CDIN1: variants seen among roughly 807,000 people sequenced by gnomAD.
CDIN1 encodes the protein CDAN1-interacting nuclease 1.
A neutral mutation model predicts 45.3 loss-of-function variants in CDIN1; 33 were observed. That is an observed-to-expected ratio of 0.73 (90% CI 0.55 to 0.97). The LOEUF (loss-of-function observed/expected upper bound fraction) is 0.97. Among genes scored for constraint, CDIN1 ranks in the 50% least tolerant of loss-of-function variants. The probability of loss-of-function intolerance (pLI) is 0.00; values close to 1 mark genes in which losing one functional copy is unlikely to be tolerated. For missense variants in CDIN1, 303 were observed against 339.4 expected, an observed-to-expected ratio of 0.89 and a Z score of 0.84; for synonymous variants, 118 against 124.4, an observed-to-expected ratio of 0.95 and a Z score of 0.34.
At chr15:36,704,371 C>T (rs1044778137) in intron 8 of CDIN1, 13 of 152,164 alleles carry the variant, frequency 8.5e-5, no homozygotes, top group South Asian at 4.1e-4. Context: ...TTTCATTTAT[C>T]GGTGCTATTG....
chr15:36,683,258 G>T (rs1468094543), intron 5 of CDIN1, among the ~76,000 whole-genome samples: 1 of 147,888 alleles, frequency 6.8e-6, no homozygotes, highest in African/African-American at 2.5e-5. Flanking sequence ...TTTTGTATAA[G>T]GTGTAAGGAA....
chr15:36,597,989 CTTA>C (rs1050305204), intron 1 of CDIN1, among the ~76,000 whole-genome samples: 6 of 152,070 alleles, frequency 3.9e-5, no homozygotes, highest in Non-Finnish European at 7.4e-5. Flanking sequence ...GGACGTAAAA[CTTA>C]TTATGATTAT....
intron 10 of CDIN1, among the ~76,000 whole-genome samples, chr15:36,770,274 GA>G (rs34776036): frequency 6.6e-6 from 1 of 150,920 alleles, no homozygotes; most frequent in African/African-American, 2.4e-5. Context: ...GCTTGATCAG[GA>G]AAAAAAGGGG....
intron 5 of CDIN1, among the ~76,000 whole-genome samples, chr15:36,668,580 C>G (rs2041334842): frequency 6.6e-6 from 1 of 152,130 alleles, no homozygotes; most frequent in Non-Finnish European, 1.5e-5. Context: ...GTGGGAGAAT[C>G]TGTGTCTTCT....
chr15:36,647,109 A>G (rs2040365174), intron 3 of CDIN1, among the ~76,000 whole-genome samples: 1 of 142,854 alleles, frequency 7.0e-6, no homozygotes, highest in African/African-American at 2.7e-5. Context: ...CTGCAGCCTC[A>G]ACCTCCTGGC....
At chr15:36,800,879 ATGTGTGTGTGTGTGTGTGTGTG>A (rs1163549097) in intron 10 of CDIN1, among the ~76,000 whole-genome samples, 4 of 82,520 alleles carry the variant, frequency 4.8e-5, no homozygotes, top group Admixed American at 1.6e-4. Flanking sequence ...GTGTGTATAT[ATGTGTGTGTGTGTGTGTGTGTG>A]TGTGTGTGTA....
intron 1 of CDIN1, among the ~76,000 whole-genome samples, chr15:36,615,417 T>G (rs2038845929): frequency 6.6e-6 from 1 of 152,200 alleles, no homozygotes; most frequent in Non-Finnish European, 1.5e-5. Context: ...ATAGTGCAAC[T>G]GTTTTGATAC....
In CDIN1 at chr15:36,698,878, T is replaced by A. The variant is rs28418815; in HGVS notation, c.544+1488T>A. On this transcript the variant is annotated intron_variant, in intron 8 of 10. Transcript: ENST00000566621. The stretch of plus-strand genomic sequence containing the variant: ...TGGGAAAAAAAGCAAAGGTTGTAGA[T>A]GTGGGCTAAACTTAGTCCTAGTCCT... Among the ~76,000 whole-genome samples the A allele has an allele frequency of 4.5e-3, 689 of 152,292 alleles. 4 individuals carry two copies. Among genetic ancestry groups the A allele is most frequent in the African/African-American group, 0.016 (653 of 41,568 alleles).
intron 10 of CDIN1, among the ~76,000 whole-genome samples, chr15:36,715,982 T>G (rs1014303787): frequency 6.6e-6 from 1 of 152,200 alleles, no homozygotes; most frequent in Non-Finnish European, 1.5e-5. Flanking sequence ...CATCATTCAT[T>G]GGTTTTAACA....
chr15:36,741,475 T>A (rs2044235673), intron 10 of CDIN1, among the ~76,000 whole-genome samples: 1 of 150,556 alleles, frequency 6.6e-6, no homozygotes, highest in South Asian at 2.1e-4. Flanking sequence ...TTTTTTTTTT[T>A]AGTTTACAAA....
intron 10 of CDIN1, among the ~76,000 whole-genome samples, chr15:36,784,465 T>C (rs1338157582): frequency 6.6e-6 from 1 of 152,210 alleles, no homozygotes; most frequent in Non-Finnish European, 1.5e-5. Context: ...CCACAGATAA[T>C]GCAATTTAGA....
At chr15:36,688,591 T>C (rs2042138700) in intron 5 of CDIN1, among the ~76,000 whole-genome samples, 1 of 152,166 alleles carries the variant, frequency 6.6e-6, no homozygotes, top group South Asian at 2.1e-4. Context: ...TGAATGCCTC[T>C]ACCAAAGGTT....
chr15:36,788,330 G>A (rs1273662047), intron 10 of CDIN1, among the ~76,000 whole-genome samples: 1 of 151,396 alleles, frequency 6.6e-6, no homozygotes, highest in East Asian at 1.9e-4. Flanking sequence ...TGGTCAGGCT[G>A]GTCTTGAACT....
chr15:36,788,102 A>ATTT (rs2054547481), intron 10 of CDIN1, among the ~76,000 whole-genome samples: 1 of 34,248 alleles, frequency 2.9e-5, no homozygotes, highest in African/African-American at 1.1e-4. Flanking sequence ...ATATATATAT[A>ATTT]TATATTTTTT....
chr15:36,609,150 C>T (rs113359101), intron 1 of CDIN1, among the ~76,000 whole-genome samples: 2 of 152,226 alleles, frequency 1.3e-5, no homozygotes, highest in Admixed American at 6.5e-5. Context: ...AGCCTGGGAC[C>T]ACAGGTGTGC....
At chr15:36,788,168 G>A (rs1337442793) in intron 10 of CDIN1, among the ~76,000 whole-genome samples, 2 of 133,526 alleles carry the variant, frequency 1.5e-5, no homozygotes, top group Non-Finnish European at 3.1e-5. Flanking sequence ...CCAGGCTGGA[G>A]TGCAATGGCA....
chr15:36,750,634 G>T (rs192613463), intron 10 of CDIN1, among the ~76,000 whole-genome samples: 16 of 152,270 alleles, frequency 1.1e-4, no homozygotes, highest in African/African-American at 3.1e-4. Flanking sequence ...CTTGAGCTCA[G>T]TCTGTGGGAG....
At chr15:36,792,105 G>A (rs529749250) in intron 10 of CDIN1, among the ~76,000 whole-genome samples, 2 of 152,254 alleles carry the variant, frequency 1.3e-5, no homozygotes, top group African/African-American at 4.8e-5. Context: ...AAGAAAGACC[G>A]TCACAAGCTT....
intron 10 of CDIN1, among the ~76,000 whole-genome samples, chr15:36,775,432 A>G (rs2054194233): frequency 6.6e-6 from 1 of 152,212 alleles, no homozygotes. Flanking sequence ...CAAGGTCTCC[A>G]GGAGGTCAGA....
Sources: allele counts gnomAD v4.1 joint callset (sites outside exome capture counted in the v4.1 genomes callset), GRCh38; gene constraint gnomAD v4.1.1; transcripts MANE v1.5; gene names NCBI Gene and HGNC (gene_info 2026-07-23, HGNC 2026-07-21).